The following CTNNA2 variants were observed in gnomAD, a reference collection of about 807,000 sequenced individuals.
The protein encoded by CTNNA2 is catenin alpha-2.
Under a neutral mutation model 101.0 loss-of-function variants are expected in CTNNA2, and 42 were observed. The observed-to-expected ratio is 0.42, with a 90% CI of 0.32 to 0.54. CTNNA2 has a LOEUF of 0.54. Ranked by LOEUF, CTNNA2 falls within the 20% of genes least tolerant of loss-of-function variation. The pLI is 0.14. For missense variants in CTNNA2, 871 were observed against 1,223.1 expected, an observed-to-expected ratio of 0.71 and a Z score of 4.29; for synonymous variants, 450 against 456.4, an observed-to-expected ratio of 0.99 and a Z score of 0.18.
rs368095116 is a variant in CTNNA2 at position 80,275,866 on chromosome 2, C to T, written c.1057-117345C>T. The stretch of plus-strand genomic sequence containing the variant: ...AAAAATATCAGAATTTACTTAATGA[C>T]ATATTATTTTCTCTCTTTTTTAAAA... On this transcript the variant is annotated intron_variant, in intron 7 of 18. Coordinates refer to ENST00000402739, the MANE Select transcript of CTNNA2 (RefSeq NM_001282597.3). 1.2e-4 allele frequency among the ~76,000 whole-genome samples: 18 copies of T among 152,152 alleles called. No homozygotes were observed. In the East Asian group the frequency reaches 2.7e-3, roughly 23 times the overall value.
intron 3 of CTNNA2, among the ~76,000 whole-genome samples, chr2:79,812,851 G>A (rs1039224739): frequency 3.3e-5 from 5 of 152,084 alleles, no homozygotes; most frequent in African/African-American, 1.2e-4. Context: ...GCCACCTTAA[G>A]TAGGTCATGC....
At chr2:80,037,651 G>T (rs1574604632) in intron 7 of CTNNA2, among the ~76,000 whole-genome samples, 1 of 152,242 alleles carries the variant, frequency 6.6e-6, no homozygotes, top group South Asian at 2.1e-4. Context: ...CACCTCCAAG[G>T]TTGCTGTGAC....
At chr2:79,641,359 T>C (rs1264695782) in intron 1 of CTNNA2, among the ~76,000 whole-genome samples, 1 of 152,226 alleles carries the variant, frequency 6.6e-6, no homozygotes, top group Non-Finnish European at 1.5e-5. Flanking sequence ...TTCTAATTTA[T>C]AGGCAGAAGA....
At chr2:79,934,932 G>A (rs150514296) in intron 7 of CTNNA2, among the ~76,000 whole-genome samples, 2 of 152,324 alleles carry the variant, frequency 1.3e-5, no homozygotes, top group Middle Eastern at 3.4e-3. Flanking sequence ...TTTTAGAATG[G>A]ATGTATAAAT....
intron 3 of CTNNA2, among the ~76,000 whole-genome samples, chr2:79,829,693 C>CTTATTTATTTATTTAT (rs144686881): frequency 4.1e-5 from 6 of 144,616 alleles, no homozygotes; most frequent in East Asian, 4.2e-4. Context: ...CTTTTTCTTT[C>CTTATTTATTTATTTAT]TTATTTATTT....
chr2:80,125,719 G>T (rs1182408795), intron 7 of CTNNA2, among the ~76,000 whole-genome samples: 2 of 152,144 alleles, frequency 1.3e-5, no homozygotes, highest in African/African-American at 4.8e-5. Context: ...TTCTGCTCTA[G>T]TGCCTGGTGC....
intron 7 of CTNNA2, among the ~76,000 whole-genome samples, chr2:80,238,628 GCTTA>G (rs1709666880): frequency 6.6e-6 from 1 of 152,130 alleles, no homozygotes; most frequent in Non-Finnish European, 1.5e-5. Context: ...AAGTCCCATA[GCTTA>G]ACTGGAAGAA....
intron 9 of CTNNA2, among the ~76,000 whole-genome samples, chr2:80,524,932 T>G (rs534934781): frequency 6.6e-6 from 1 of 152,276 alleles, no homozygotes; most frequent in South Asian, 2.1e-4. Context: ...CCCCACCTCA[T>G]ACTTTTAAGT....
intron 2 of CTNNA2, among the ~76,000 whole-genome samples, chr2:79,225,218 G>A (rs576263950): frequency 3.0e-4 from 46 of 151,660 alleles, no homozygotes; most frequent in Admixed American, 2.5e-3. Context: ...CATGAAACAG[G>A]GGCATCATTT....
At chr2:79,549,935 C>A (rs1476701305) in intron 1 of CTNNA2, among the ~76,000 whole-genome samples, 1 of 152,102 alleles carries the variant, frequency 6.6e-6, no homozygotes, top group East Asian at 1.9e-4. Context: ...CTGCTATTTA[C>A]AGGTATGTTT....
intron 7 of CTNNA2, among the ~76,000 whole-genome samples, chr2:80,129,352 C>T (rs1268401556): frequency 2.0e-5 from 3 of 152,170 alleles, no homozygotes; most frequent in African/African-American, 7.2e-5. Flanking sequence ...ACCATGGCAG[C>T]TTCAAAGGAG....
intron 12 of CTNNA2, among the ~76,000 whole-genome samples, chr2:80,557,404 A>C (rs117900467): frequency 6.6e-6 from 1 of 152,162 alleles, no homozygotes; most frequent in Admixed American, 6.6e-5. Flanking sequence ...ACCTTTAGGG[A>C]GACCATCTCA....
chr2:80,121,395 A>G (rs546846347), intron 7 of CTNNA2, among the ~76,000 whole-genome samples: 38 of 152,304 alleles, frequency 2.5e-4, no homozygotes, highest in Non-Finnish European at 4.3e-4. Flanking sequence ...AGAGTAAAAC[A>G]ATGCATATGA....
At chr2:80,110,136 T>A (rs1701127355) in intron 7 of CTNNA2, among the ~76,000 whole-genome samples, 1 of 152,096 alleles carries the variant, frequency 6.6e-6, no homozygotes, top group Admixed American at 6.5e-5. Flanking sequence ...CGGTGCCATA[T>A]TGAATAGTGA....
At chr2:80,457,676 C>T (rs1684095629) in intron 9 of CTNNA2, among the ~76,000 whole-genome samples, 1 of 152,084 alleles carries the variant, frequency 6.6e-6, no homozygotes, top group South Asian at 2.1e-4. Context: ...TTAGAGTAAA[C>T]ACTATATTGA....
chr2:80,031,682 A>G (rs1443809653), intron 7 of CTNNA2, among the ~76,000 whole-genome samples: 1 of 152,186 alleles, frequency 6.6e-6, no homozygotes. Context: ...TTCACCTTTT[A>G]TTTTATAAAT....
At chr2:79,252,930 T>C (rs1244182845) in intron 2 of CTNNA2, among the ~76,000 whole-genome samples, 1 of 152,182 alleles carries the variant, frequency 6.6e-6, no homozygotes, top group African/African-American at 2.4e-5. Flanking sequence ...CAATTCCTAG[T>C]TCTCTTCTCT....
intron 7 of CTNNA2, among the ~76,000 whole-genome samples, chr2:80,245,075 C>T (rs1317303105): frequency 6.6e-6 from 1 of 152,202 alleles, no homozygotes; most frequent in East Asian, 1.9e-4. Context: ...AAAGTGTTCA[C>T]AGTCGAGTTC....
intron 4 of CTNNA2, among the ~76,000 whole-genome samples, chr2:79,484,361 T>C (rs538533834): frequency 1.3e-5 from 2 of 152,314 alleles, no homozygotes; most frequent in Non-Finnish European, 2.9e-5. Flanking sequence ...CCAATCCCTT[T>C]TTGCTGAACT....
Sources: gnomAD v4.1 joint callset for allele counts (sites outside exome capture counted in the v4.1 genomes callset) on GRCh38, gnomAD v4.1.1 for gene constraint, MANE v1.5 for transcripts, NCBI Gene and HGNC (gene_info 2026-07-23, HGNC 2026-07-21) for gene names.